NFIB: variants seen among roughly 807,000 people sequenced by gnomAD.
The protein encoded by NFIB is nuclear factor I B.
Under a neutral mutation model 61.5 loss-of-function variants are expected in NFIB, and 11 were observed. The observed-to-expected ratio is 0.18, with a 90% CI of 0.11 to 0.30. NFIB has a LOEUF of 0.30. Ranked by LOEUF, NFIB falls within the 10% of genes least tolerant of loss-of-function variation. NFIB has a pLI of 1.00. For missense variants in NFIB, 471 were observed against 608.9 expected, an observed-to-expected ratio of 0.77 and a Z score of 2.38; for synonymous variants, 260 against 216.5, an observed-to-expected ratio of 1.20 and a Z score of -1.76.
chr9:14,403,819 T>A (rs1204290305), upstream of NFIB, among the ~76,000 whole-genome samples: 3 of 152,136 alleles, frequency 2.0e-5, no homozygotes, highest in Non-Finnish European at 4.4e-5. Flanking sequence ...ATGCCATAAT[T>A]CACATTCCCA....
rs35029845 is a variant in NFIB, at chr9:14,082,668, G to GTTTTTTTT, written c.*5633_*5640dup. ...GAGTTTTTTGGTAAACATTTTGCTG[G>GTTTTTTTT]TTTTTTTTTTTTGTTTGTTTCTTTC... On this transcript the variant is annotated 3_prime_UTR_variant, in exon 11 of 11. Coordinates refer to ENST00000380953, the MANE Select transcript of NFIB (RefSeq NM_001190737.2). 5.9e-6 allele frequency: 1 copy of GTTTTTTTT among 168,984 alleles called. No homozygotes were observed. Among genetic ancestry groups the GTTTTTTTT allele is most frequent in the Non-Finnish European group, 1.2e-5 (1 of 82,660 alleles). The allele number at this position is 168,984 out of a possible 1,614,324, so 10.5% of individuals were successfully genotyped here. A position where few individuals can be genotyped will look rare whatever the true frequency, so the allele number is the denominator to read the frequency against.
the NFIB span, among the ~76,000 whole-genome samples, chr9:14,476,234 T>C: frequency 6.6e-6 from 1 of 151,902 alleles, no homozygotes; most frequent in South Asian, 2.1e-4. Flanking sequence ...CTAGAGTTTT[T>C]CTAAGCTTTT....
chr9:14,218,356 T>G lies in NFIB; in HGVS notation c.563-38576A>C, dbSNP rs181962197. On this transcript the variant is annotated intron_variant, in intron 2 of 10. Transcript: ENST00000380953. Reference sequence around the variant, plus strand: ...AACCTTGTTTCTGTTTTCAGTGCCTTCCTGAACTAAGTGTTTTCCCTCAAG... The same window carrying G: ...AACCTTGTTTCTGTTTTCAGTGCCTGCCTGAACTAAGTGTTTTCCCTCAAG... 2.4e-3 allele frequency among the ~76,000 whole-genome samples: 364 copies of G among 152,292 alleles called. 2 individuals carry two copies. The highest frequency in any genetic ancestry group is 4.4e-3 in the Admixed American group (68 of 15,298).
At chr9:14,460,751 G>C in the NFIB span, among the ~76,000 whole-genome samples, 4 of 152,028 alleles carry the variant, frequency 2.6e-5, no homozygotes, top group African/African-American at 7.2e-5. Flanking sequence ...AAATTTGATA[G>C]TGTCTCTCCC....
At chr9:14,200,988 T>G (rs1235282125) in intron 2 of NFIB, among the ~76,000 whole-genome samples, 1 of 152,148 alleles carries the variant, frequency 6.6e-6, no homozygotes, top group Admixed American at 6.5e-5. Flanking sequence ...AAGCTGAAAA[T>G]GCTCATTCCA....
intron 6 of NFIB, among the ~76,000 whole-genome samples, chr9:14,135,613 T>C (rs2040949833): frequency 6.6e-6 from 1 of 152,182 alleles, no homozygotes; most frequent in South Asian, 2.1e-4. Flanking sequence ...TACAGTAGTT[T>C]GATGATGATG....
intron 2 of NFIB, among the ~76,000 whole-genome samples, chr9:14,250,299 T>A (rs1256621893): frequency 1.3e-5 from 2 of 152,166 alleles, no homozygotes; most frequent in African/African-American, 2.4e-5. Flanking sequence ...AGTTCTCTGA[T>A]GGACAATAAT....
chr9:14,398,521 C>T (rs1370833522), intron 1 of NFIB: 2 of 1,531,066 alleles, frequency 1.3e-6, no homozygotes, highest in Non-Finnish European at 1.7e-6. Context: ...AATTTAGACT[C>T]ACAGAAAATC....
At chr9:14,481,231 A>G in the NFIB span, among the ~76,000 whole-genome samples, 8 of 123,846 alleles carry the variant, frequency 6.5e-5, 1 homozygote, top group African/African-American at 2.4e-4. Context: ...ATATATATAT[A>G]TGTAGCTTAG....
chr9:14,503,913 G>T, the NFIB span, among the ~76,000 whole-genome samples: 1 of 152,094 alleles, frequency 6.6e-6, no homozygotes, highest in African/African-American at 2.4e-5. Context: ...ATGTCTACAA[G>T]GGTTCTTCTG....
rs147077516 is a variant in NFIB, at chr9:14,155,889, G to A, written c.621C>T (p.Tyr207=). Residue 207 remains tyrosine, a synonymous_variant, in exon 4 of 11, where the codon TAC becomes TAT. Transcript: ENST00000380953. ...HNDPAKNPPG[Y]LEDSFVKSGV... is the part of the protein sequence containing the mutation. ...CAGATTTTACAAAACTATCCTCAAG[G>A]TAACCTGAAAATAAATATTAAAGGA... 1.6e-3 allele frequency: 2,556 copies of A among 1,558,506 alleles called. 3 individuals are homozygous for A. Among genetic ancestry groups the A allele is most frequent in the Non-Finnish European group, 2.1e-3 (2,351 of 1,142,502 alleles).
chr9:14,341,865 C>T (rs953817955), intron 1 of NFIB, among the ~76,000 whole-genome samples: 1 of 151,340 alleles, frequency 6.6e-6, no homozygotes, highest in Non-Finnish European at 1.5e-5. Flanking sequence ...GTGAGTGCTT[C>T]CAGATGCACT....
chr9:14,410,963 T>G, the NFIB span, among the ~76,000 whole-genome samples: 1 of 152,198 alleles, frequency 6.6e-6, no homozygotes, highest in African/African-American at 2.4e-5. Flanking sequence ...TTTGACACCT[T>G]GCAAAGGTCA....
intron 2 of NFIB, among the ~76,000 whole-genome samples, chr9:14,232,621 G>T (rs914838115): frequency 1.3e-5 from 2 of 152,182 alleles, no homozygotes; most frequent in Non-Finnish European, 2.9e-5. Context: ...CCATTTTAAA[G>T]TATTAGAGGG....
At chr9:14,229,984 G>A (rs1351933178) in intron 2 of NFIB, among the ~76,000 whole-genome samples, 1 of 152,152 alleles carries the variant, frequency 6.6e-6, no homozygotes, top group African/African-American at 2.4e-5. Context: ...TGTATTTTTA[G>A]TAGAGACAGG....
the NFIB span, among the ~76,000 whole-genome samples, chr9:14,526,431 A>G: frequency 7.8e-3 from 1,193 of 152,310 alleles, 21 homozygotes; most frequent in African/African-American, 0.028. Context: ...AAAATGCAAT[A>G]AAATTTAGAA....
At chr9:14,247,025 A>C (rs1309087550) in intron 2 of NFIB, among the ~76,000 whole-genome samples, 1 of 152,072 alleles carries the variant, frequency 6.6e-6, no homozygotes, top group Non-Finnish European at 1.5e-5. Flanking sequence ...GCTTTCTGAG[A>C]CACAATAAGC....
chr9:14,208,268 C>A (rs943322413), intron 2 of NFIB, among the ~76,000 whole-genome samples: 1 of 152,048 alleles, frequency 6.6e-6, no homozygotes, highest in Non-Finnish European at 1.5e-5. Flanking sequence ...TAAATCGATA[C>A]GTGTTCAGTG....
chr9:14,120,656 A>G lies in NFIB; in HGVS notation c.1061-32T>C, dbSNP rs6474818. 1 allele frequency: 1,555,918 copies of G among 1,556,236 alleles called. 777,802 individuals are homozygous for G. Among genetic ancestry groups the G allele is most frequent in the East Asian group, 1 (44,282 of 44,282 alleles). Reference sequence around the variant, plus strand: ...AAGACAGAAAAGGAAAGATTGACTCATCAGCTGGTTACCTTATTGCTCCAT... The same window carrying G: ...AAGACAGAAAAGGAAAGATTGACTCGTCAGCTGGTTACCTTATTGCTCCAT... On this transcript the variant is annotated intron_variant, in intron 7 of 10. Coordinates refer to ENST00000380953, the MANE Select transcript of NFIB (RefSeq NM_001190737.2). The surrounding 1 kb of genome is among the most constrained non-coding windows in gnomAD (Gnocchi z 4.4).
Sources: allele counts gnomAD v4.1 joint callset (sites outside exome capture counted in the v4.1 genomes callset), GRCh38; gene constraint gnomAD v4.1.1; non-coding constraint Gnocchi (gnomAD v3.1); transcripts MANE v1.5; gene names NCBI Gene and HGNC (gene_info 2026-07-23, HGNC 2026-07-21).